Variants in HDAC9 observed in about 807,000 individuals in gnomAD.
HDAC9 encodes the protein histone deacetylase 9, also known as MEF-2 interacting transcription repressor (MITR) protein.
HDAC9 carries 41 observed loss-of-function variants against 139.4 expected under a neutral mutation model. The ratio of observed to expected loss-of-function variants is 0.29; its 90% CI spans 0.23 to 0.38. HDAC9 has a LOEUF of 0.38. Among genes scored for constraint, HDAC9 ranks in the 10% least tolerant of loss-of-function variants. The pLI, the probability that HDAC9 is intolerant of heterozygous loss-of-function variation, is 1.00. For missense variants in HDAC9, 1,147 were observed against 1,297.0 expected, an observed-to-expected ratio of 0.88 and a Z score of 1.78; for synonymous variants, 517 against 476.2, an observed-to-expected ratio of 1.09 and a Z score of -1.12.
chr7:18,969,058 CCACACA>C (rs145223691), intron 24 of HDAC9, among the ~76,000 whole-genome samples: 2 of 147,434 alleles, frequency 1.4e-5, no homozygotes, highest in Non-Finnish European at 3.0e-5. Context: ...GATGAAGTTG[CCACACA>C]CACACACACA....
intron 1 of HDAC9, among the ~76,000 whole-genome samples, chr7:18,393,166 A>G (rs1345269982): frequency 6.6e-6 from 1 of 152,096 alleles, no homozygotes; most frequent in African/African-American, 2.4e-5. Context: ...TCAAGATGAA[A>G]TAGAAAATCT....
Position 19,001,303 on chromosome 7 carries a change from T to A in HDAC9, c.*5241T>A, listed in dbSNP as rs1288206004. The A allele has an allele frequency of 6.6e-6, 1 of 152,154 alleles. No individual in the cohort carries two copies. Among genetic ancestry groups the A allele is most frequent in the Non-Finnish European group, 1.5e-5 (1 of 67,992 alleles). The allele number at this position is 152,154 out of a possible 1,614,324, so 9.4% of individuals were successfully genotyped here. A position where few individuals can be genotyped will look rare whatever the true frequency, so the allele number is the denominator to read the frequency against. On this transcript the variant is annotated 3_prime_UTR_variant, in exon 26 of 26. Transcript: ENST00000686413. Reference sequence around the variant, plus strand: ...TTTTGAAAGGAAGAGATTTCCAGACTTTTTAAAGCAAATTGGAATCGTTTT... The same window carrying A: ...TTTTGAAAGGAAGAGATTTCCAGACATTTTAAAGCAAATTGGAATCGTTTT...
chr7:18,892,375 T>C (rs1374340704), intron 22 of HDAC9, among the ~76,000 whole-genome samples: 1 of 152,186 alleles, frequency 6.6e-6, no homozygotes, highest in Non-Finnish European at 1.5e-5. Flanking sequence ...ATGATCCTCA[T>C]TTTATAGATG....
At chr7:18,954,051 C>G in intron 23 of HDAC9, 95 bp from the exon 24 acceptor site, 1 of 787,342 alleles carries the variant, frequency 1.3e-6, no homozygotes, top group Non-Finnish European at 2.1e-6. Flanking sequence ...GCAAGCTTTT[C>G]CTGAGGATTA....
intron 2 of HDAC9, among the ~76,000 whole-genome samples, chr7:18,205,443 T>C (rs905814201): frequency 2.0e-5 from 3 of 152,058 alleles, no homozygotes; most frequent in Non-Finnish European, 4.4e-5. Context: ...TCCCCACTCA[T>C]AGTAATCAAA....
At chr7:18,377,018 C>T (rs1654115014) in intron 1 of HDAC9, among the ~76,000 whole-genome samples, 1 of 152,042 alleles carries the variant, frequency 6.6e-6, no homozygotes, top group Non-Finnish European at 1.5e-5. Context: ...GTAAAGTAGT[C>T]CTTGGCTAGA....
At chr7:18,405,956 T>C (rs1167030144) in intron 1 of HDAC9, among the ~76,000 whole-genome samples, 2 of 152,222 alleles carry the variant, frequency 1.3e-5, no homozygotes, top group Admixed American at 6.5e-5. Flanking sequence ...GTAACTGGCC[T>C]CCCTTCCCCT....
intron 11 of HDAC9, among the ~76,000 whole-genome samples, chr7:18,662,686 A>G (rs1271937271): frequency 6.6e-6 from 1 of 152,030 alleles, no homozygotes; most frequent in Non-Finnish European, 1.5e-5. Context: ...CATTTTCTCA[A>G]TGAAATGAGA....
chr7:18,607,669 A>G (rs1835903525), intron 6 of HDAC9, among the ~76,000 whole-genome samples: 1 of 152,206 alleles, frequency 6.6e-6, no homozygotes, highest in Admixed American at 6.5e-5. Flanking sequence ...CTTGTCACTA[A>G]TACATGACTA....
intron 1 of HDAC9, among the ~76,000 whole-genome samples, chr7:18,115,393 A>T (rs115018604): frequency 1.7e-3 from 259 of 152,316 alleles, no homozygotes; most frequent in African/African-American, 5.8e-3. Flanking sequence ...ATTCTTTTAG[A>T]TTTGTGAGAA....
At chr7:18,558,959 A>T (rs1819720654) in intron 2 of HDAC9, among the ~76,000 whole-genome samples, 1 of 151,998 alleles carries the variant, frequency 6.6e-6, no homozygotes, top group Non-Finnish European at 1.5e-5. Context: ...TGACATTGGG[A>T]AGTGAGGGGA....
At chr7:18,461,775 C>T (rs1250741815) in intron 1 of HDAC9, among the ~76,000 whole-genome samples, 1 of 152,028 alleles carries the variant, frequency 6.6e-6, no homozygotes, top group Non-Finnish European at 1.5e-5. Flanking sequence ...TTTAAATAAA[C>T]ATTTAGATGA....
chr7:18,110,042 C>T (rs1353098735), intron 1 of HDAC9, among the ~76,000 whole-genome samples: 1 of 152,158 alleles, frequency 6.6e-6, no homozygotes, highest in Non-Finnish European at 1.5e-5. Context: ...AAAGAACATT[C>T]CCCAGACAAT....
At chr7:18,817,041 T>G (rs1014374885) in intron 17 of HDAC9, among the ~76,000 whole-genome samples, 5 of 150,838 alleles carry the variant, frequency 3.3e-5, no homozygotes, top group Middle Eastern at 3.4e-3. Context: ...GTTTTTTGTT[T>G]TTTTTTTTTT....
At chr7:18,579,040 TAGTA>T (rs1326270553) in intron 2 of HDAC9, among the ~76,000 whole-genome samples, 1 of 152,196 alleles carries the variant, frequency 6.6e-6, no homozygotes, top group Non-Finnish European at 1.5e-5. Context: ...ATAGAGGAGA[TAGTA>T]ATCTCTAGCA....
At chr7:18,558,595 T>A (rs1819604417) in intron 2 of HDAC9, among the ~76,000 whole-genome samples, 1 of 152,184 alleles carries the variant, frequency 6.6e-6, no homozygotes, top group African/African-American at 2.4e-5. Flanking sequence ...AACATTTGTA[T>A]TGAATATATG....
Position 18,373,948 on chromosome 7 carries a change from A to C in HDAC9, c.-42+83433A>C, listed in dbSNP as rs1199908952. The stretch of plus-strand genomic sequence containing the variant: ...AGATATTTAATCTAAGTACTTCTAA[A>C]AATAATGGGGGAGATATTAATTTAT... On this transcript the variant is annotated intron_variant, in intron 1 of 3. Coordinates refer to the HDAC9 transcript ENST00000413509. Among the ~76,000 whole-genome samples, 15 of 152,054 alleles carry C rather than the reference A, an allele frequency of 9.9e-5. 1 individual carries two copies. Among genetic ancestry groups the C allele is most frequent in the Admixed American group, 6.6e-4 (10 of 15,256 alleles).
chr7:18,700,884 T>C (rs950677754), intron 12 of HDAC9, among the ~76,000 whole-genome samples: 4 of 152,144 alleles, frequency 2.6e-5, no homozygotes, highest in African/African-American at 9.7e-5. Flanking sequence ...CTCCTGCTAT[T>C]ATCTCATTGG....
chr7:18,903,703 C>T (rs4721726), intron 22 of HDAC9, among the ~76,000 whole-genome samples: 27,941 of 152,136 alleles, frequency 0.18, 2,963 homozygotes, highest in East Asian at 0.35. Flanking sequence ...CTCATTTATT[C>T]TACCTACATC....
Sources: gnomAD v4.1 joint callset for allele counts (sites outside exome capture counted in the v4.1 genomes callset) on GRCh38, gnomAD v4.1.1 for gene constraint, MANE v1.5 for transcripts, NCBI Gene and HGNC (gene_info 2026-07-23, HGNC 2026-07-21) for gene names.